Variants in AJAP1 observed in about 807,000 individuals in gnomAD.
AJAP1 encodes the protein adherens junction-associated protein 1.
In AJAP1, 5 loss-of-function variants were observed where a neutral mutation model predicts 35.0. The ratio of observed to expected loss-of-function variants is 0.14; its 90% CI spans 0.07 to 0.30. The LOEUF is 0.30. AJAP1 is among the 10% of genes least tolerant of loss of function. The probability of loss-of-function intolerance (pLI) is 1.00; values close to 1 mark genes in which losing one functional copy is unlikely to be tolerated. For missense variants in AJAP1, 586 were observed against 571.0 expected (o/e 1.03, Z -0.27); for synonymous variants, 284 against 249.3 (o/e 1.14, Z -1.31).
chr1:4,672,061 T>C (rs1639261423), intron 1 of AJAP1, among the ~76,000 whole-genome samples: 2 of 152,216 alleles, frequency 1.3e-5, no homozygotes, highest in South Asian at 2.1e-4. Flanking sequence ...GAGCTGCTTG[T>C]GAATCATGTC....
chr1:4,729,625 CGT>C (rs1640753667), intron 2 of AJAP1, among the ~76,000 whole-genome samples: 11 of 59,358 alleles, frequency 1.9e-4, no homozygotes, highest in Non-Finnish European at 3.4e-5. Context: ...TTCCTCTGTG[CGT>C]GTCTGTGTCC....
In AJAP1 at chr1:4,655,727, G is replaced by C. The variant is rs1638864456; in HGVS notation, c.29+273G>C. ...GCAACCCGGGAAGTGGGGCCGGCCA[G>C]GCGCGCCCGCAGCTCTAGGAGCCAG... On this transcript the variant is annotated intron_variant, in intron 1 of 5. Transcript: ENST00000378191. This position sits in a 1 kb window ranked among gnomAD's most constrained non-coding sequence, Gnocchi z 6.9. 6.6e-6 allele frequency among the ~76,000 whole-genome samples: 1 copy of C among 150,610 alleles called. No individual in the cohort carries two copies. The highest frequency in any genetic ancestry group is 2.0e-4 in the East Asian group (1 of 5,032).
At chr1:4,703,793 CTT>C (rs761246968) in intron 1 of AJAP1, among the ~76,000 whole-genome samples, 9 of 152,240 alleles carry the variant, frequency 5.9e-5, no homozygotes, top group Non-Finnish European at 1.2e-4. Context: ...CCTTTGATCT[CTT>C]GTCTTTGCAA....
chr1:4,663,844 GC>G (rs1375440928), intron 1 of AJAP1, among the ~76,000 whole-genome samples: 13 of 152,184 alleles, frequency 8.5e-5, no homozygotes, highest in African/African-American at 2.4e-4. Flanking sequence ...CAGACTGTTT[GC>G]CGTGTCTGCA....
chr1:4,763,742 G>A (rs1362617657), intron 2 of AJAP1, among the ~76,000 whole-genome samples: 2 of 146,470 alleles, frequency 1.4e-5, no homozygotes, highest in Non-Finnish European at 3.0e-5. Flanking sequence ...CTTTCTCTAC[G>A]CCCTTTCTCC....
At chr1:4,771,942 G>T (rs1570224235) in intron 3 of AJAP1, among the ~76,000 whole-genome samples, 1 of 152,126 alleles carries the variant, frequency 6.6e-6, no homozygotes, top group African/African-American at 2.4e-5. Flanking sequence ...TCCCGTCGAG[G>T]CGTTCGTGGG....
intron 1 of AJAP1, among the ~76,000 whole-genome samples, chr1:4,707,413 C>T (rs1209312831): frequency 6.6e-6 from 1 of 152,070 alleles, no homozygotes; most frequent in African/African-American, 2.4e-5. Flanking sequence ...AAACCCCCTA[C>T]CCCATTACCC....
chr1:4,688,969 G>A (rs1434860841), intron 1 of AJAP1, among the ~76,000 whole-genome samples: 3 of 152,014 alleles, frequency 2.0e-5, no homozygotes, highest in East Asian at 1.9e-4. Context: ...CACTCACAGC[G>A]GGTGCCCCTC....
intron 1 of AJAP1, among the ~76,000 whole-genome samples, chr1:4,661,785 A>G (rs1200337893): frequency 6.6e-6 from 1 of 152,232 alleles, no homozygotes; most frequent in Non-Finnish European, 1.5e-5. Flanking sequence ...CATGATTTTA[A>G]GTAAAAGGTT....
rs1184041332 is a variant in AJAP1, at chr1:4,720,221, A to C, written c.829+7522A>C. 3.9e-5 allele frequency among the ~76,000 whole-genome samples: 6 copies of C among 152,192 alleles called. No homozygotes were observed. Among genetic ancestry groups the C allele is most frequent in the Admixed American group, 6.5e-5 (1 of 15,278 alleles). On this transcript the variant is annotated intron_variant, in intron 2 of 5. Coordinates refer to ENST00000378191, the MANE Select transcript of AJAP1 (RefSeq NM_018836.4). The surrounding 1 kb of genome is among the most constrained non-coding windows in gnomAD (Gnocchi z 4.4). ...ATGGACCCATGTGCCACGTGGTTAG[A>C]CATGAAGACAGGCTTCGGGTCCCCG...
At chr1:4,744,093 G>A (rs1180829094) in intron 2 of AJAP1, among the ~76,000 whole-genome samples, 1 of 152,198 alleles carries the variant, frequency 6.6e-6, no homozygotes, top group Admixed American at 6.5e-5. Context: ...GTCTGAGTGT[G>A]TAGATCAAAC....
At chr1:4,743,419 G>A (rs933479025) in intron 2 of AJAP1, among the ~76,000 whole-genome samples, 6 of 152,114 alleles carry the variant, frequency 3.9e-5, no homozygotes, top group Non-Finnish European at 7.3e-5. Flanking sequence ...AAAGGGAAGG[G>A]GCTTAGGATG....
At chr1:4,724,180 G>A (rs762354640) in intron 2 of AJAP1, among the ~76,000 whole-genome samples, 23 of 152,196 alleles carry the variant, frequency 1.5e-4, no homozygotes, top group African/African-American at 3.4e-4. Context: ...TGTGGTGGCC[G>A]CGGGCACCTG....
rs1234762185 is a variant in AJAP1, at chr1:4,712,455, C to A, written c.585C>A (p.Asn195Lys). Reference sequence around the variant, plus strand: ...GGGACGAGGAGGCCCTGGAGTCCAACACATTTCCGGGCGTTTACGGCCCCA... The same window carrying A: ...GGGACGAGGAGGCCCTGGAGTCCAAAACATTTCCGGGCGTTTACGGCCCCA... The part of the protein sequence containing the change: ...PTGDEEALES[N>K]TFPGVYGPTT... The change falls in exon 2 of 6, where the codon AAC becomes AAA. Residue 195 changes from asparagine to lysine, a missense_variant. By Grantham distance (94) the Asn-to-Lys change is moderately conservative (BLOSUM62 0). Transcript: ENST00000378191. 1 of 1,611,006 alleles carries A rather than the reference C, an allele frequency of 6.2e-7. No individual in the cohort carries two copies. The highest frequency in any genetic ancestry group is 8.5e-7 in the Non-Finnish European group (1 of 1,178,886).
chr1:4,667,030 G>A (rs1639144801), intron 1 of AJAP1, among the ~76,000 whole-genome samples: 1 of 152,148 alleles, frequency 6.6e-6, no homozygotes, highest in Admixed American at 6.5e-5. Flanking sequence ...GAGCTGCGTG[G>A]GATGGAACCT....
rs1365797010 is a variant in AJAP1, at chr1:4,790,492, G to A, written c.*8007G>A. The A allele has an allele frequency of 1.3e-5, 2 of 152,190 alleles. No homozygotes were observed. Among genetic ancestry groups the A allele is most frequent in the Non-Finnish European group, 2.9e-5 (2 of 68,048 alleles). 9.4% of individuals were successfully genotyped at this position (152,190 alleles called of 1,614,324 possible). ...CCAGTTAAGGGGCTGGAAGACAAGC[G>A]GGGCAACTGGTTTTGAAAAGCCCGC... On this transcript the variant is annotated 3_prime_UTR_variant, in exon 6 of 6. Transcript: ENST00000378191.
chr1:4,694,747 G>C (rs1224981819), intron 1 of AJAP1, among the ~76,000 whole-genome samples: 2 of 152,236 alleles, frequency 1.3e-5, no homozygotes, highest in African/African-American at 4.8e-5. Flanking sequence ...GCGCAGCTGG[G>C]GGTGGGACCT....
intron 5 of AJAP1, among the ~76,000 whole-genome samples, chr1:4,780,305 C>T (rs930939121): frequency 3.3e-5 from 5 of 151,944 alleles, no homozygotes; most frequent in Admixed American, 6.6e-5. Context: ...TCCCCGTCTC[C>T]CCCCATCCCC....
intron 2 of AJAP1, among the ~76,000 whole-genome samples, chr1:4,760,163 G>A (rs578028915): frequency 6.6e-6 from 1 of 152,252 alleles, no homozygotes; most frequent in East Asian, 1.9e-4. Context: ...CAAAAATTCA[G>A]GCCGTGTGTG....
Sources: allele counts gnomAD v4.1 joint callset (sites outside exome capture counted in the v4.1 genomes callset), GRCh38; gene constraint gnomAD v4.1.1; non-coding constraint Gnocchi (gnomAD v3.1); transcripts MANE v1.5; gene names NCBI Gene and HGNC (gene_info 2026-07-23, HGNC 2026-07-21).